The following STRN3 variants were observed in gnomAD, a reference collection of about 807,000 sequenced individuals.
STRN3 encodes the protein striatin 3, also known as striatin-3.
A neutral mutation model predicts 95.6 loss-of-function variants in STRN3; 29 were observed. The ratio of observed to expected loss-of-function variants is 0.30; its 90% confidence interval spans 0.23 to 0.41. STRN3 has a LOEUF of 0.41. STRN3 is among the 10% of genes least tolerant of loss of function. The pLI, the probability that STRN3 is intolerant of heterozygous loss-of-function variation, is 1.00. For synonymous variants in STRN3, 331 were observed against 357.6 expected (o/e 0.93, Z 0.84); for missense variants, 890 against 972.1 (o/e 0.92, Z 1.12).
intron 4 of STRN3, 60 bp from the exon 5 acceptor site, chr14:30,947,323 C>A: frequency 7.4e-7 from 1 of 1,359,534 alleles, no homozygotes; most frequent in South Asian, 1.6e-5. Flanking sequence ...GACTCAAAAT[C>A]ACATCAAATT....
chr14:30,914,513 C>G (rs756852631), intron 9 of STRN3, among the ~76,000 whole-genome samples: 2 of 152,086 alleles, frequency 1.3e-5, no homozygotes, highest in South Asian at 4.1e-4. Context: ...CCACCACGCC[C>G]GGCTAATTTT....
chr14:30,912,169 T>G lies in STRN3; in HGVS notation c.1388A>C (p.Lys463Thr). ...ATTCCATGTCTTTCGAAAGGCATCT[T>G]TATTAGCAGGCAACTAAAAGGAAAG... Reference protein sequence around the residue: ...ADYSYDLPANKDAFRKTWNPK... With the variant: ...ADYSYDLPANTDAFRKTWNPK... The change falls in exon 11 of 18, where the codon AAA (lysine) becomes ACA (threonine). Residue 463 changes from lysine to threonine, a missense_variant. Transcript: ENST00000357479. 1 of 1,611,164 alleles carries G rather than the reference T, an allele frequency of 6.2e-7. No homozygotes were observed. Among genetic ancestry groups the G allele is most frequent in the South Asian group, 1.1e-5 (1 of 90,014 alleles).
chr14:30,955,704 A>T lies in STRN3; in HGVS notation c.387-11T>A. The stretch of plus-strand genomic sequence containing the variant: ...TTGTGATATTTTGCCCTGAAAATTT[A>T]ATCACAAATTAGTAAAATCACAACT... On this transcript the variant is annotated splice_polypyrimidine_tract_variant and intron_variant, in intron 2 of 17. Coordinates refer to ENST00000357479, the MANE Select transcript of STRN3 (RefSeq NM_001083893.2). 6.4e-7 allele frequency: 1 copy of T among 1,573,928 alleles called. No individual in the cohort carries two copies. Among genetic ancestry groups the T allele is most frequent in the Non-Finnish European group, 8.6e-7 (1 of 1,167,416 alleles).
At chr14:30,899,306 T>G (rs1193930580) in intron 16 of STRN3, among the ~76,000 whole-genome samples, 1 of 152,232 alleles carries the variant, frequency 6.6e-6, no homozygotes, top group African/African-American at 2.4e-5. Flanking sequence ...AATTTGTAAC[T>G]CTACCAAAAT....
chr14:30,914,542 G>A (rs929071144), intron 9 of STRN3, among the ~76,000 whole-genome samples: 1 of 151,952 alleles, frequency 6.6e-6, no homozygotes, highest in Non-Finnish European at 1.5e-5. Flanking sequence ...TAGTAGAGAT[G>A]GGCTTTCACC....
chr14:31,018,582 G>GA (rs1168996663), intron 1 of STRN3: 1 of 491,224 alleles, frequency 2.0e-6, no homozygotes, highest in Admixed American at 2.2e-5. Flanking sequence ...AACAAGCTGT[G>GA]GGTGTTGGAC....
intron 7 of STRN3, among the ~76,000 whole-genome samples, chr14:30,929,706 G>A (rs758772619): frequency 6.6e-6 from 1 of 151,924 alleles, no homozygotes; most frequent in African/African-American, 2.4e-5. Context: ...TCGGAAAAGT[G>A]CAAGCTAGAA....
intron 8 of STRN3, among the ~76,000 whole-genome samples, chr14:30,923,431 C>T (rs1415819711): frequency 6.6e-6 from 1 of 151,928 alleles, no homozygotes; most frequent in Non-Finnish European, 1.5e-5. Flanking sequence ...GATAATCAGG[C>T]CAGAAGGTGC....
At chr14:30,919,724 A>C (rs1241511166) in intron 8 of STRN3, among the ~76,000 whole-genome samples, 2 of 152,130 alleles carry the variant, frequency 1.3e-5, no homozygotes, top group Non-Finnish European at 2.9e-5. Context: ...TATCCATGAG[A>C]TAGATCTCTG....
chr14:30,974,370 A>G (rs1438723596), intron 1 of STRN3, among the ~76,000 whole-genome samples: 1 of 152,202 alleles, frequency 6.6e-6, no homozygotes, highest in Non-Finnish European at 1.5e-5. Flanking sequence ...AAGGATGTGA[A>G]AGACTTATAT....
intron 1 of STRN3, among the ~76,000 whole-genome samples, chr14:30,982,507 A>G: frequency 6.6e-6 from 1 of 152,184 alleles, no homozygotes; most frequent in South Asian, 2.1e-4. Context: ...ACAGGGTTTC[A>G]TGATGTTGGC....
At chr14:31,000,516 TA>T (rs11292937) in intron 1 of STRN3, among the ~76,000 whole-genome samples, 140,508 of 144,144 alleles carry the variant, frequency 0.97, 68,510 homozygotes, top group East Asian at 1. Context: ...CAAGAATCTT[TA>T]AAAAAAAAAA....
chr14:30,910,482 C>T (rs1197148504), intron 13 of STRN3, among the ~76,000 whole-genome samples: 1 of 151,956 alleles, frequency 6.6e-6, no homozygotes, highest in Non-Finnish European at 1.5e-5. Context: ...TAACAGTGCC[C>T]TTACAAATAT....
At chr14:30,976,369 T>C (rs1182212190) in intron 1 of STRN3, among the ~76,000 whole-genome samples, 1 of 152,170 alleles carries the variant, frequency 6.6e-6, no homozygotes, top group East Asian at 1.9e-4. Context: ...ACACAACCCT[T>C]AGTGTGTCAA....
intron 15 of STRN3, among the ~76,000 whole-genome samples, chr14:30,904,746 C>T (rs908224001): frequency 1.3e-4 from 19 of 151,978 alleles, no homozygotes; most frequent in African/African-American, 4.6e-4. Context: ...TAAAAGCTTA[C>T]AAATTACTTA....
At chr14:31,018,922 A>T in intron 1 of STRN3, 1 of 269,898 alleles carries the variant, frequency 3.7e-6, no homozygotes, top group South Asian at 3.6e-5. Flanking sequence ...CGGGAGTTTG[A>T]GACCAGACTG....
intron 1 of STRN3, among the ~76,000 whole-genome samples, chr14:30,979,942 G>A (rs1881305434): frequency 1.3e-5 from 2 of 151,854 alleles, no homozygotes; most frequent in East Asian, 1.9e-4. Context: ...CAATCAGCAT[G>A]TGAATGCACA....
intron 5 of STRN3, among the ~76,000 whole-genome samples, chr14:30,942,193 A>T (rs776244904): frequency 5.9e-5 from 9 of 152,004 alleles, no homozygotes; most frequent in Non-Finnish European, 1.0e-4. Context: ...ATACTCTCTC[A>T]TTCTTTCTGT....
At chr14:30,933,953 C>T (rs1878684916) in intron 7 of STRN3, among the ~76,000 whole-genome samples, 1 of 152,134 alleles carries the variant, frequency 6.6e-6, no homozygotes, top group Non-Finnish European at 1.5e-5. Flanking sequence ...CAAGTGTTTG[C>T]TATCAAAGTT....
Sources: gnomAD v4.1 joint callset for allele counts (sites outside exome capture counted in the v4.1 genomes callset) on GRCh38, gnomAD v4.1.1 for gene constraint, MANE v1.5 for transcripts, NCBI Gene and HGNC (gene_info 2026-07-23, HGNC 2026-07-21) for gene names.